BLM: variants seen among roughly 807,000 people sequenced by gnomAD.
BLM encodes recQ-like DNA helicase BLM.
In BLM, 95 loss-of-function variants were observed where a neutral mutation model predicts 135.3. The ratio of observed to expected loss-of-function variants is 0.70; its 90% confidence interval spans 0.59 to 0.83. The LOEUF (loss-of-function observed/expected upper bound fraction) is 0.83. BLM is among the 40% of genes least tolerant of loss of function. The pLI is 0.00. For missense variants in BLM, 1,518 were observed against 1,663.9 expected, an observed-to-expected ratio of 0.91 and a Z score of 1.53; for synonymous variants, 520 against 589.2, an observed-to-expected ratio of 0.88 and a Z score of 1.70.
rs369629509 is a variant in BLM at position 90,794,209 on chromosome 15, A to G, written c.3062A>G (p.Asn1021Ser). The change falls in exon 16 of 22, where the codon AAT (asparagine) becomes AGT (serine). Residue 1021 changes from asparagine to serine, a missense_variant. Transcript: ENST00000355112. ...GNHHTRETHF[N>S]NLYSMVHYCE... Reference sequence around the variant, plus strand: ...CATCATACAAGAGAAACTCACTTCAATAATTTGTATAGCATGGTACATTAC... The same window carrying G: ...CATCATACAAGAGAAACTCACTTCAGTAATTTGTATAGCATGGTACATTAC... The G allele has an allele frequency of 2.0e-5, 32 of 1,606,046 alleles. No individual in the cohort carries two copies. Among genetic ancestry groups the G allele is most frequent in the Middle Eastern group, 3.3e-4 (2 of 6,056 alleles).
intron 1 of BLM, among the ~76,000 whole-genome samples, chr15:90,733,378 A>T (rs989281841): frequency 2.0e-5 from 3 of 152,240 alleles, no homozygotes; most frequent in African/African-American, 7.2e-5. Context: ...TTTTAAAGTT[A>T]TGAAATAACT....
At chr15:90,802,294 G>A (rs17274032) in intron 17 of BLM, among the ~76,000 whole-genome samples, 23,400 of 152,186 alleles carry the variant, frequency 0.15, 1,917 homozygotes, top group Non-Finnish European at 0.19. Context: ...AAAGCTTTAC[G>A]TAATAACCAT....
chr15:90,771,677 A>G (rs1461778791), intron 12 of BLM, among the ~76,000 whole-genome samples: 1 of 151,084 alleles, frequency 6.6e-6, no homozygotes, highest in Non-Finnish European at 1.5e-5. Flanking sequence ...CTGGGCTTAA[A>G]CAGTCCTCCC....
Position 90,769,640 on chromosome 15 carries a change from C to A in BLM, c.2555+54C>A, listed in dbSNP as rs576535012. 23 of 1,578,836 alleles carry A rather than the reference C, an allele frequency of 1.5e-5. 1 individual carries two copies. In the South Asian group the frequency reaches 2.6e-4, roughly 18 times the overall value. ...AACCCTGGGGCAGTGACTGCCAGAG[C>A]TGCTACATGTTAGAATCACCTGTGG... On this transcript the variant is annotated intron_variant, in intron 12 of 21. Coordinates refer to ENST00000355112, the MANE Select transcript of BLM (RefSeq NM_000057.4).
At chr15:90,747,952 C>T (rs1468225363) in intron 2 of BLM, among the ~76,000 whole-genome samples, 1 of 152,012 alleles carries the variant, frequency 6.6e-6, no homozygotes, top group Non-Finnish European at 1.5e-5. Context: ...GGACTACAGG[C>T]ACCTGCCACC....
chr15:90,795,478 C>CA lies in BLM; in HGVS notation c.3210+1133dup, dbSNP rs536449790. Among the ~76,000 whole-genome samples, 688 of 141,232 alleles carry CA rather than the reference C, an allele frequency of 4.9e-3. 6 individuals carry two copies. The highest frequency in any genetic ancestry group is 0.04 in the South Asian group (180 of 4,490). The allele number at this position is 141,232 out of a possible 152,430, so 92.7% of individuals were successfully genotyped here. A position where few individuals can be genotyped will look rare whatever the true frequency, so the allele number is the denominator to read the frequency against. ...CTGGGCAACAAGAGCGAAACTCCAT[C>CA]AAAAAAAAAAAAGTTTAGTACTCTC... On this transcript the variant is annotated intron_variant, in intron 16 of 21. Coordinates refer to ENST00000355112, the MANE Select transcript of BLM (RefSeq NM_000057.4).
At chr15:90,746,120 G>A (rs1895495865) in intron 1 of BLM, among the ~76,000 whole-genome samples, 1 of 152,150 alleles carries the variant, frequency 6.6e-6, no homozygotes, top group Non-Finnish European at 1.5e-5. Flanking sequence ...GCTAATGAGT[G>A]AAAGAAGTAA....
rs1897085819 is a variant in BLM, at chr15:90,798,420, T to C, written c.3358+83T>C. 4 of 1,420,676 alleles carry C rather than the reference T, an allele frequency of 2.8e-6. No homozygotes were observed. The East Asian group carries it at 9.2e-5, about 33-fold the overall frequency. The allele number at this position is 1,420,676 out of a possible 1,614,324, so 88.0% of individuals were successfully genotyped here. Reference sequence around the variant, plus strand: ...ATTTATTACAAGTACATAGAAAAACTTTTTGTCTATTTTCTTATAAAACTT... The same window carrying C: ...ATTTATTACAAGTACATAGAAAAACCTTTTGTCTATTTTCTTATAAAACTT... On this transcript the variant is annotated intron_variant, in intron 17 of 21. Coordinates refer to ENST00000355112, the MANE Select transcript of BLM (RefSeq NM_000057.4).
At chr15:90,754,701 C>T (rs1427986933) in intron 4 of BLM, 110 bp from the exon 5 acceptor site, 2 of 1,202,444 alleles carry the variant, frequency 1.7e-6, no homozygotes, top group South Asian at 1.4e-5. Flanking sequence ...CTTCTCTTTT[C>T]TGTTATATAT....
chr15:90,761,406 C>A, intron 7 of BLM, 151 bp downstream of exon 7: 1 of 650,298 alleles, frequency 1.5e-6, no homozygotes, highest in Non-Finnish European at 2.3e-6. Context: ...ATCACAATTT[C>A]AAAAGCAAGT....
rs1264783670 is a variant in BLM at position 90,809,611 on chromosome 15, G to C, written c.3874+352G>C. On this transcript the variant is annotated intron_variant, in intron 20 of 21. Transcript: ENST00000355112. ...AGCAGGCCACCAATAGCCTCTTTGT[G>C]AATCAGGTTCCTCCACCAAGGAAGG... Among the ~76,000 whole-genome samples, 39 of 152,158 alleles carry C rather than the reference G, an allele frequency of 2.6e-4. 1 individual carries two copies. The highest frequency in any genetic ancestry group is 2.6e-3 in the Admixed American group (39 of 15,278).
At chr15:90,747,650 T>C (rs1179105755) in intron 2 of BLM, 160 bp downstream of exon 2, 4 of 632,504 alleles carry the variant, frequency 6.3e-6, no homozygotes, top group Non-Finnish European at 1.2e-5. Context: ...GAGTATGTTT[T>C]AGCAGCACCA....
intron 4 of BLM, among the ~76,000 whole-genome samples, chr15:90,752,218 C>G (rs965036971): frequency 6.6e-6 from 1 of 151,630 alleles, no homozygotes; most frequent in African/African-American, 2.4e-5. Flanking sequence ...CTCTGTCACC[C>G]AGGCTGGAGT....
Position 90,760,851 on chromosome 15 carries a change from A to G in BLM, c.1478A>G (p.Asn493Ser). The G allele has an allele frequency of 1.2e-6, 2 of 1,614,082 alleles. No individual in the cohort carries two copies. Among genetic ancestry groups the G allele is most frequent in the Non-Finnish European group, 8.5e-7 (1 of 1,179,992 alleles). The stretch of plus-strand genomic sequence containing the variant: ...AATCTTTTTGAAAGGCCTTTATTCA[A>G]TACCCATTTACAGAAGTCCTTTGTA... The part of the protein sequence containing the change: ...RKNLFERPLF[N>S]THLQKSFVSS... The change falls in exon 7 of 22, where the codon AAT (asparagine) becomes AGT (serine). Residue 493 changes from asparagine to serine, a missense_variant. Asn to Ser is a conservative substitution (Grantham distance 46). Transcript: ENST00000355112.
At chr15:90,750,197 T>C in intron 3 of BLM, 130 bp downstream of exon 3, 1 of 1,014,082 alleles carries the variant, frequency 9.9e-7, no homozygotes, top group Non-Finnish European at 1.5e-6. Context: ...TGGTGCTTTT[T>C]GAATAATCTG....
chr15:90,735,730 A>G (rs942291998), intron 1 of BLM, among the ~76,000 whole-genome samples: 28 of 152,180 alleles, frequency 1.8e-4, no homozygotes, highest in African/African-American at 6.8e-4. Context: ...AAGAATACAT[A>G]GATGAGTTTT....
intron 15 of BLM, chr15:90,793,894 A>C: frequency 4.3e-6 from 1 of 231,840 alleles, no homozygotes; most frequent in East Asian, 1.0e-4. Flanking sequence ...TGCTCGACTG[A>C]TAAATACAGC....
rs556592665 is a variant in BLM, at chr15:90,767,188, T to G, written c.2307+165T>G. On this transcript the variant is annotated intron_variant, in intron 10 of 21. Coordinates refer to ENST00000355112, the MANE Select transcript of BLM (RefSeq NM_000057.4). ...TTTACTATAATTGCTTTGTATTCTC[T>G]CTCTGCATATATTTTCCTGACACAT... 6.6e-5 allele frequency among the ~76,000 whole-genome samples: 10 copies of G among 152,344 alleles called. No homozygotes were observed. In the South Asian group the frequency reaches 2.1e-3, roughly 32 times the overall value.
intron 12 of BLM, 89 bp downstream of exon 12, chr15:90,769,675 G>T: frequency 7.1e-7 from 1 of 1,398,676 alleles, no homozygotes; most frequent in Non-Finnish European, 9.9e-7. Flanking sequence ...GCGCTTTAAC[G>T]CCACCACCCC....
Sources: gnomAD v4.1 joint callset for allele counts (sites outside exome capture counted in the v4.1 genomes callset) on GRCh38, gnomAD v4.1.1 for gene constraint, MANE v1.5 for transcripts, NCBI Gene and HGNC (gene_info 2026-07-23, HGNC 2026-07-21) for gene names.